Variants in METTL15 observed in about 807,000 individuals in gnomAD.
METTL15 encodes 12S rRNA N(4)-cytidine methyltransferase METTL15.
A neutral mutation model predicts 38.3 loss-of-function variants in METTL15; 34 were observed. The observed-to-expected ratio is 0.89, with a 90% CI of 0.68 to 1.18. METTL15 has a LOEUF of 1.18. Among genes scored for constraint, METTL15 ranks in the 50% most tolerant of loss-of-function variants. The pLI is 0.00. For synonymous variants in METTL15, 162 were observed against 170.9 expected (o/e 0.95, Z 0.41); for missense variants, 438 against 498.4 (o/e 0.88, Z 1.15).
chr11:28,506,813 T>A (rs1445707592), intron 6 of METTL15, among the ~76,000 whole-genome samples: 2 of 150,730 alleles, frequency 1.3e-5, no homozygotes, highest in Admixed American at 6.6e-5. Flanking sequence ...GGCACAATCT[T>A]GGCTCATTGC....
chr11:28,308,145 A>G (rs1228855845), intron 6 of METTL15, among the ~76,000 whole-genome samples: 1 of 152,026 alleles, frequency 6.6e-6, no homozygotes, highest in Non-Finnish European at 1.5e-5. Flanking sequence ...TGGCTAATGA[A>G]AAGTCTGCTT....
chr11:28,481,283 G>A (rs1475171332), intron 6 of METTL15, among the ~76,000 whole-genome samples: 1 of 152,152 alleles, frequency 6.6e-6, no homozygotes, highest in Non-Finnish European at 1.5e-5. Context: ...TGTTAACCCA[G>A]TGAAACCCAT....
intron 5 of METTL15, among the ~76,000 whole-genome samples, chr11:28,370,815 AT>A (rs1415594485): frequency 6.6e-6 from 1 of 151,960 alleles, no homozygotes; most frequent in Admixed American, 6.6e-5. Flanking sequence ...GATGCTGAAC[AT>A]TTTTATATAC....
chr11:28,424,217 A>G (rs1263471797), intron 5 of METTL15: 1 of 152,106 alleles, frequency 6.6e-6, no homozygotes, highest in Non-Finnish European at 1.5e-5. Flanking sequence ...AAATATCTTA[A>G]CTTCATCTTA....
chr11:28,285,900 T>C (rs1348461109), intron 4 of METTL15, among the ~76,000 whole-genome samples: 1 of 152,126 alleles, frequency 6.6e-6, no homozygotes, highest in Non-Finnish European at 1.5e-5. Context: ...GAGTTGTGAC[T>C]TGTGCCAATT....
chr11:28,409,198 T>C (rs1028705341), intron 5 of METTL15, among the ~76,000 whole-genome samples: 19 of 151,500 alleles, frequency 1.3e-4, no homozygotes, highest in Admixed American at 3.9e-4. Context: ...CTGGCTAACA[T>C]GGTGAAACCC....
At chr11:28,414,252 G>A (rs1371682631) in intron 5 of METTL15, among the ~76,000 whole-genome samples, 2 of 152,084 alleles carry the variant, frequency 1.3e-5, no homozygotes, top group Non-Finnish European at 2.9e-5. Context: ...AGCAATGAAA[G>A]CAAGGAGCAG....
chr11:28,316,441 C>T (rs536805055), intron 6 of METTL15, among the ~76,000 whole-genome samples: 9 of 152,316 alleles, frequency 5.9e-5, no homozygotes, highest in Non-Finnish European at 1.0e-4. Context: ...AAATAACTAA[C>T]TTGCTTTTGA....
intron 3 of METTL15, among the ~76,000 whole-genome samples, chr11:28,179,292 C>T (rs748628336): frequency 6.6e-6 from 1 of 151,548 alleles, no homozygotes; most frequent in African/African-American, 2.4e-5. Context: ...TTTCATTATG[C>T]GTTATTTTTT....
At chr11:28,339,855 G>C (rs1236266547) in intron 3 of METTL15, among the ~76,000 whole-genome samples, 1 of 152,046 alleles carries the variant, frequency 6.6e-6, no homozygotes, top group Admixed American at 6.6e-5. Context: ...GAGAAAGTAG[G>C]GGGGAAAGGG....
At chr11:28,364,872 A>C (rs2133370572) in intron 5 of METTL15, among the ~76,000 whole-genome samples, 1 of 152,256 alleles carries the variant, frequency 6.6e-6, no homozygotes, top group Non-Finnish European at 1.5e-5. Context: ...ATCTGTTGAG[A>C]GTTTTGATCA....
At chr11:28,413,365 A>G (rs1442896722) in intron 5 of METTL15, among the ~76,000 whole-genome samples, 1 of 152,140 alleles carries the variant, frequency 6.6e-6, no homozygotes, top group East Asian at 1.9e-4. Context: ...TTGGACTAAG[A>G]TGTTTCATAA....
chr11:28,247,705 G>T (rs1854571235), intron 4 of METTL15, among the ~76,000 whole-genome samples: 1 of 151,982 alleles, frequency 6.6e-6, no homozygotes, highest in African/African-American at 2.4e-5. Context: ...CTCGTTATTG[G>T]GTTGCTGATG....
chr11:28,163,195 C>A (rs1850533354), intron 3 of METTL15: 1 of 392,848 alleles, frequency 2.5e-6, no homozygotes, highest in South Asian at 1.4e-4. Context: ...GAAGAAGCAA[C>A]TCATTCTTGG....
chr11:28,130,327 C>T (rs1852707147), intron 3 of METTL15, among the ~76,000 whole-genome samples: 1 of 151,946 alleles, frequency 6.6e-6, no homozygotes, highest in Non-Finnish European at 1.5e-5. Context: ...CCAACAAAAA[C>T]CAACACACCT....
At chr11:28,184,581 T>A (rs1851423782) in intron 3 of METTL15, among the ~76,000 whole-genome samples, 1 of 151,894 alleles carries the variant, frequency 6.6e-6, no homozygotes, top group Non-Finnish European at 1.5e-5. Flanking sequence ...TGAGTGAGTT[T>A]CTTATTTCTG....
intron 3 of METTL15, among the ~76,000 whole-genome samples, chr11:28,176,410 T>C (rs1458556324): frequency 1.3e-5 from 2 of 152,318 alleles, no homozygotes; most frequent in East Asian, 3.9e-4. Flanking sequence ...CCACAGTGTC[T>C]GAGTCAGAAT....
chr11:28,240,065 A>G (rs1854223678), intron 4 of METTL15, among the ~76,000 whole-genome samples: 3 of 152,196 alleles, frequency 2.0e-5, no homozygotes, highest in Non-Finnish European at 4.4e-5. Flanking sequence ...CAATCAAGCA[A>G]CAAACATAGC....
intron 3 of METTL15, among the ~76,000 whole-genome samples, chr11:28,182,570 G>A (rs907512929): frequency 7.2e-5 from 11 of 151,888 alleles, no homozygotes; most frequent in African/African-American, 2.2e-4. Flanking sequence ...GGTTGTAGAT[G>A]TGTGGTGTTA....
Sources: gnomAD v4.1 joint callset for allele counts (sites outside exome capture counted in the v4.1 genomes callset) on GRCh38, gnomAD v4.1.1 for gene constraint, MANE v1.5 for transcripts, NCBI Gene and HGNC (gene_info 2026-07-23, HGNC 2026-07-21) for gene names.